EPHA3: variants seen among roughly 807,000 people sequenced by gnomAD.
EPHA3 encodes EPH receptor A3, also known as ephrin type-A receptor 3.
A neutral mutation model predicts 107.1 loss-of-function variants in EPHA3; 42 were observed. The ratio of observed to expected loss-of-function variants is 0.39; its 90% CI spans 0.31 to 0.51. The LOEUF is 0.51. EPHA3 is among the 20% of genes least tolerant of loss of function. The pLI, the probability that EPHA3 is intolerant of heterozygous loss-of-function variation, is 0.78. For missense variants in EPHA3, 1,183 were observed against 1,211.2 expected (o/e 0.98, Z 0.35); for synonymous variants, 461 against 424.8 (o/e 1.09, Z -1.05).
At chr3:89,222,837 C>A (rs1425782856) in intron 3 of EPHA3, among the ~76,000 whole-genome samples, 1 of 152,090 alleles carries the variant, frequency 6.6e-6, no homozygotes, top group Non-Finnish European at 1.5e-5. Context: ...ACTGATGAAG[C>A]TTTACACTTC....
chr3:89,117,926 A>G (rs1707293954), intron 1 of EPHA3, among the ~76,000 whole-genome samples: 1 of 152,096 alleles, frequency 6.6e-6, no homozygotes, highest in Non-Finnish European at 1.5e-5. Flanking sequence ...TTTTTACAGA[A>G]TAAAAGAACT....
At chr3:89,241,079 G>A (rs1394662856) in intron 3 of EPHA3, among the ~76,000 whole-genome samples, 1 of 151,148 alleles carries the variant, frequency 6.6e-6, no homozygotes, top group Middle Eastern at 3.4e-3. Context: ...CCTAGAGATA[G>A]TGTCACCAGC....
chr3:89,180,760 C>T (rs1355160901), intron 2 of EPHA3, among the ~76,000 whole-genome samples: 1 of 151,804 alleles, frequency 6.6e-6, no homozygotes, highest in African/African-American at 2.4e-5. Context: ...GACTTGTTTC[C>T]ATGAAACTCT....
chr3:89,235,051 C>CTCTT (rs1036821138), intron 3 of EPHA3, among the ~76,000 whole-genome samples: 45 of 140,456 alleles, frequency 3.2e-4, no homozygotes, highest in African/African-American at 8.8e-4. Flanking sequence ...CCCTCTCTCC[C>CTCTT]TCTTTCTTTC....
At chr3:89,398,213 T>C (rs1054761447) in intron 6 of EPHA3, among the ~76,000 whole-genome samples, 1 of 152,184 alleles carries the variant, frequency 6.6e-6, no homozygotes, top group Non-Finnish European at 1.5e-5. Flanking sequence ...ATATACAGCG[T>C]TTCATATTAT....
intron 11 of EPHA3, among the ~76,000 whole-genome samples, chr3:89,427,694 C>G (rs1041851179): frequency 1.3e-5 from 2 of 151,796 alleles, no homozygotes; most frequent in African/African-American, 2.4e-5. Context: ...TGACTGCTAT[C>G]TAATTGTATT....
At position 89,210,274 on chromosome 3, in the gene EPHA3, G is replaced by A. The variant is rs2107182688; in HGVS notation, c.568G>A (p.Val190Ile). The change falls in exon 3 of 17, where the codon GTT becomes ATT. Residue 190 changes from valine to isoleucine, a missense_variant. Coordinates refer to ENST00000336596, the MANE Select transcript of EPHA3 (RefSeq NM_005233.6). ...GGCATTTCAAGATGTTGGTGCTTGT[G>A]TTGCCTTGGTGTCTGTGAGAGTATA... Reference protein sequence around the residue: ...YLAFQDVGACVALVSVRVYFK... With the variant: ...YLAFQDVGACIALVSVRVYFK... The A allele has an allele frequency of 6.2e-7, 1 of 1,613,988 alleles. No individual in the cohort carries two copies. The highest frequency in any genetic ancestry group is 8.5e-7 in the Non-Finnish European group (1 of 1,179,930).
At chr3:89,170,605 C>T (rs781323987) in intron 2 of EPHA3, among the ~76,000 whole-genome samples, 1 of 152,146 alleles carries the variant, frequency 6.6e-6, no homozygotes, top group Non-Finnish European at 1.5e-5. Flanking sequence ...GTTGCGACTA[C>T]TCTTGCTATT....
At chr3:89,111,577 C>T (rs1432326173) in intron 1 of EPHA3, among the ~76,000 whole-genome samples, 1 of 144,746 alleles carries the variant, frequency 6.9e-6, no homozygotes, top group Non-Finnish European at 1.5e-5. Flanking sequence ...CTTATTTTCA[C>T]TATTTTATAA....
chr3:89,416,128 G>A (rs1192477556), intron 10 of EPHA3, among the ~76,000 whole-genome samples: 1 of 151,416 alleles, frequency 6.6e-6, no homozygotes, highest in African/African-American at 2.4e-5. Flanking sequence ...CTATTTAAAT[G>A]TCGGCTTTTT....
Position 89,448,918 on chromosome 3 carries a change from G to T in EPHA3, c.2347-307G>T, listed in dbSNP as rs114417882. Among the ~76,000 whole-genome samples the T allele has an allele frequency of 7.5e-3, 1,141 of 151,850 alleles. 11 individuals are homozygous for T. The highest frequency in any genetic ancestry group is 0.025 in the African/African-American group (1,035 of 41,406). ...ACATGTCATGTCACATCTGCTTCAG[G>T]TTGTTTTGTTGCAGATGATTAATTA... is the stretch of plus-strand genomic sequence containing the variant. On this transcript the variant is annotated intron_variant, in intron 13 of 16. Coordinates refer to ENST00000336596, the MANE Select transcript of EPHA3 (RefSeq NM_005233.6).
At chr3:89,263,947 CA>C (rs1705479026) in intron 3 of EPHA3, among the ~76,000 whole-genome samples, 1 of 152,042 alleles carries the variant, frequency 6.6e-6, no homozygotes, top group African/African-American at 2.4e-5. Flanking sequence ...ATTTCTATTT[CA>C]GGGGAGGGGA....
chr3:89,350,449 C>T (rs1317704151), intron 5 of EPHA3, among the ~76,000 whole-genome samples: 3 of 151,484 alleles, frequency 2.0e-5, no homozygotes, highest in African/African-American at 7.2e-5. Context: ...AGTTCTCAAG[C>T]CTTGGTTTTC....
intron 13 of EPHA3, among the ~76,000 whole-genome samples, chr3:89,432,291 G>T (rs1709584390): frequency 6.6e-6 from 1 of 152,058 alleles, no homozygotes; most frequent in Non-Finnish European, 1.5e-5. Context: ...TATCAGTTAG[G>T]ATAAATTGAA....
At chr3:89,394,906 G>A (rs1461119576) in intron 5 of EPHA3, among the ~76,000 whole-genome samples, 9 of 152,132 alleles carry the variant, frequency 5.9e-5, no homozygotes, top group South Asian at 2.1e-4. Context: ...GAGACATTTC[G>A]ATTGGCGAGT....
chr3:89,120,577 A>G (rs1707355359), intron 1 of EPHA3, among the ~76,000 whole-genome samples: 1 of 152,162 alleles, frequency 6.6e-6, no homozygotes, highest in South Asian at 2.1e-4. Context: ...AGAAAGAAAG[A>G]AAATTTTAAC....
In EPHA3 at chr3:89,312,315, T is replaced by A. The variant is rs531075913; in HGVS notation, c.815-28601T>A. On this transcript the variant is annotated intron_variant, in intron 3 of 16. Transcript: ENST00000336596. Reference sequence around the variant, plus strand: ...AAACTCTGAAGTTGGGGAAGACGTTTTTTAGAGAAAGCTTAAAATGTGAGA... The same window carrying A: ...AAACTCTGAAGTTGGGGAAGACGTTATTTAGAGAAAGCTTAAAATGTGAGA... 8.6e-5 allele frequency among the ~76,000 whole-genome samples: 13 copies of A among 151,870 alleles called. No homozygotes were observed. The South Asian group carries it at 2.7e-3, about 31-fold the overall frequency.
chr3:89,188,774 AC>A (rs561174115), intron 2 of EPHA3, among the ~76,000 whole-genome samples: 83 of 152,246 alleles, frequency 5.5e-4, no homozygotes, highest in African/African-American at 1.9e-3. Context: ...CACATCATTC[AC>A]ACCTCTTCCC....
chr3:89,378,534 C>T (rs963650878), intron 5 of EPHA3, among the ~76,000 whole-genome samples: 2 of 152,124 alleles, frequency 1.3e-5, no homozygotes, highest in Non-Finnish European at 2.9e-5. Context: ...GTTTACTTCA[C>T]AAGCTTGGAA....
Sources: gnomAD v4.1 joint callset for allele counts (sites outside exome capture counted in the v4.1 genomes callset) on GRCh38, gnomAD v4.1.1 for gene constraint, MANE v1.5 for transcripts, NCBI Gene and HGNC (gene_info 2026-07-23, HGNC 2026-07-21) for gene names.